Variants in UNC5C observed in about 807,000 individuals in gnomAD.
UNC5C encodes the protein netrin receptor UNC5C.
Under a neutral mutation model 99.8 loss-of-function variants are expected in UNC5C, and 47 were observed. The ratio of observed to expected loss-of-function variants is 0.47; its 90% CI spans 0.37 to 0.60. The LOEUF (loss-of-function observed/expected upper bound fraction) is 0.60. Ranked by LOEUF, UNC5C falls within the 20% of genes least tolerant of loss-of-function variation. The probability of loss-of-function intolerance (pLI) is 0.00; values close to 1 mark genes in which losing one functional copy is unlikely to be tolerated. For missense variants in UNC5C, 1,062 were observed against 1,165.9 expected (o/e 0.91, Z 1.30); for synonymous variants, 487 against 452.2 (o/e 1.08, Z -0.98).
Position 95,206,610 on chromosome 4 carries a change from A to G in UNC5C, c.1902+18T>C. 6.2e-7 allele frequency: 1 copy of G among 1,613,902 alleles called. No homozygotes were observed. Among genetic ancestry groups the G allele is most frequent in the South Asian group, 1.1e-5 (1 of 91,036 alleles). ...TGGATTATTCTTGCATAGCATCTTTATCCCGACAGCAGCTCACCTCCCACT... is the reference window on the plus strand; with the variant it reads ...TGGATTATTCTTGCATAGCATCTTTGTCCCGACAGCAGCTCACCTCCCACT... On this transcript the variant is annotated intron_variant, in intron 11 of 15. Coordinates refer to ENST00000453304, the MANE Select transcript of UNC5C (RefSeq NM_003728.4).
chr4:95,303,041 A>G (rs1165978015), intron 2 of UNC5C, among the ~76,000 whole-genome samples: 1 of 152,172 alleles, frequency 6.6e-6, no homozygotes, highest in African/African-American at 2.4e-5. Flanking sequence ...GGGACAGGAC[A>G]TATGGGAAAG....
At chr4:95,507,241 A>G (rs1721947946) in intron 1 of UNC5C, among the ~76,000 whole-genome samples, 1 of 152,038 alleles carries the variant, frequency 6.6e-6, no homozygotes, top group South Asian at 2.1e-4. Flanking sequence ...CAGCAGATAC[A>G]AAGGAAAGTG....
intron 3 of UNC5C, among the ~76,000 whole-genome samples, chr4:95,297,029 G>T (rs1276890847): frequency 6.6e-6 from 1 of 152,126 alleles, no homozygotes; most frequent in Non-Finnish European, 1.5e-5. Flanking sequence ...GGTTACACAT[G>T]CTGGTGGGGT....
chr4:95,371,770 C>G (rs1744755969), intron 1 of UNC5C, among the ~76,000 whole-genome samples: 1 of 152,148 alleles, frequency 6.6e-6, no homozygotes, highest in African/African-American at 2.4e-5. Flanking sequence ...ATAAAGGACA[C>G]TTGAGAAGCT....
intron 14 of UNC5C, among the ~76,000 whole-genome samples, chr4:95,179,990 C>G (rs1010690306): frequency 1.5e-5 from 2 of 132,866 alleles, no homozygotes; most frequent in East Asian, 4.2e-4. Context: ...AATCTGAAAC[C>G]TCAATTGATG....
intron 14 of UNC5C, among the ~76,000 whole-genome samples, chr4:95,180,859 G>GAAGA (rs1411826679): frequency 6.6e-6 from 1 of 152,278 alleles, no homozygotes; most frequent in Admixed American, 6.5e-5. Flanking sequence ...GCCCTGTTCA[G>GAAGA]AAGAAAGAAA....
intron 10 of UNC5C, 89 bp from the exon 11 acceptor site, chr4:95,206,885 A>T: frequency 2.2e-4 from 170 of 776,446 alleles, no homozygotes; most frequent in Non-Finnish European, 2.8e-4. Flanking sequence ...CAGGTCAAGT[A>T]GTTTTCTCCT....
At chr4:95,482,023 C>G (rs1187666157) in intron 1 of UNC5C, among the ~76,000 whole-genome samples, 2 of 152,074 alleles carry the variant, frequency 1.3e-5, no homozygotes, top group Non-Finnish European at 2.9e-5. Context: ...TCTAATTAAA[C>G]TAAAGAGCTT....
chr4:95,299,170 C>T (rs1292370543), intron 3 of UNC5C, among the ~76,000 whole-genome samples: 3 of 152,040 alleles, frequency 2.0e-5, no homozygotes, highest in Non-Finnish European at 4.4e-5. Flanking sequence ...TTAGGGTGGG[C>T]CCCAACCCAA....
intron 1 of UNC5C, among the ~76,000 whole-genome samples, chr4:95,429,298 C>CAAAAA (rs750475184): frequency 8.3e-6 from 1 of 120,180 alleles, no homozygotes; most frequent in Non-Finnish European, 1.7e-5. Context: ...AAAAAAAAAA[C>CAAAAA]AAACAAAAAA....
intron 1 of UNC5C, among the ~76,000 whole-genome samples, chr4:95,426,204 A>G (rs1210166617): frequency 6.6e-6 from 1 of 152,214 alleles, no homozygotes; most frequent in Non-Finnish European, 1.5e-5. Flanking sequence ...AGTTTTCATT[A>G]TAATTAAATC....
At chr4:95,177,079 C>G (rs1006283523) in intron 14 of UNC5C, among the ~76,000 whole-genome samples, 1 of 152,194 alleles carries the variant, frequency 6.6e-6, no homozygotes, top group Non-Finnish European at 1.5e-5. Flanking sequence ...CCGAGTGAGG[C>G]AATGCCTTGC....
At chr4:95,452,963 G>A (rs1375823179) in intron 1 of UNC5C, among the ~76,000 whole-genome samples, 1 of 152,174 alleles carries the variant, frequency 6.6e-6, no homozygotes, top group South Asian at 2.1e-4. Flanking sequence ...CTGTCTTATA[G>A]GAAATTGAAT....
intron 4 of UNC5C, among the ~76,000 whole-genome samples, chr4:95,268,260 CT>C: frequency 6.6e-6 from 1 of 152,232 alleles, no homozygotes; most frequent in African/African-American, 2.4e-5. Context: ...TTAGTGTAAC[CT>C]TTTACATAAA....
At chr4:95,262,766 A>G (rs1443756792) in intron 4 of UNC5C, among the ~76,000 whole-genome samples, 1 of 152,190 alleles carries the variant, frequency 6.6e-6, no homozygotes, top group Non-Finnish European at 1.5e-5. Context: ...TATGGGGGAA[A>G]TGGCATAGAA....
At position 95,162,751 on chromosome 4, in the gene UNC5C, G is replaced by T. The variant is rs753105899; in HGVS notation, c.*6483C>A. On this transcript the variant is annotated 3_prime_UTR_variant, in exon 16 of 16. Transcript: ENST00000453304. ...TCTGCCGGGGGGTTTTTTTAGAAAA[G>T]GAATTGCATAGAAGATACAGCAAGA... 1 of 152,068 alleles carries T rather than the reference G, an allele frequency of 6.6e-6. No homozygotes were observed. 9.4% of individuals were successfully genotyped at this position (152,068 alleles called of 1,614,324 possible). A position where few individuals can be genotyped will look rare whatever the true frequency, so the allele number is the denominator to read the frequency against.
chr4:95,354,866 C>T (rs1744125000), intron 1 of UNC5C, among the ~76,000 whole-genome samples: 1 of 152,052 alleles, frequency 6.6e-6, no homozygotes, highest in Admixed American at 6.6e-5. Flanking sequence ...TCTCTCCCAC[C>T]CGTATCTTCA....
intron 1 of UNC5C, among the ~76,000 whole-genome samples, chr4:95,349,819 TG>T (rs1743921242): frequency 6.6e-6 from 1 of 152,102 alleles, no homozygotes; most frequent in Non-Finnish European, 1.5e-5. Flanking sequence ...TATTTTCCAA[TG>T]CCCTAACGTC....
At chr4:95,225,640 A>T (rs183304041) in intron 7 of UNC5C, among the ~76,000 whole-genome samples, 3,489 of 152,196 alleles carry the variant, frequency 0.023, 62 homozygotes, top group South Asian at 0.073. Flanking sequence ...TTTAATATTT[A>T]AAAAATTTTA....
Sources: gnomAD v4.1 joint callset for allele counts (sites outside exome capture counted in the v4.1 genomes callset) on GRCh38, gnomAD v4.1.1 for gene constraint, MANE v1.5 for transcripts, NCBI Gene and HGNC (gene_info 2026-07-23, HGNC 2026-07-21) for gene names.